The following CTNND2 variants were observed in gnomAD, a reference collection of about 807,000 sequenced individuals.
CTNND2 encodes catenin delta-2.
A neutral mutation model predicts 144.4 loss-of-function variants in CTNND2; 22 were observed. That is an observed-to-expected ratio of 0.15 (90% confidence interval 0.11 to 0.22). The LOEUF (loss-of-function observed/expected upper bound fraction) is 0.22, where lower values mean the gene tolerates loss of function less well. Ranked by LOEUF, CTNND2 falls within the 10% of genes least tolerant of loss-of-function variation. CTNND2 has a pLI of 1.00. For missense variants in CTNND2, 1,353 were observed against 1,618.8 expected, an observed-to-expected ratio of 0.84 and a Z score of 2.82; for synonymous variants, 751 against 695.6, an observed-to-expected ratio of 1.08 and a Z score of -1.25.
chr5:11,712,717 G>C (rs770509376), intron 2 of CTNND2, among the ~76,000 whole-genome samples: 1 of 152,168 alleles, frequency 6.6e-6, no homozygotes, highest in Non-Finnish European at 1.5e-5. Flanking sequence ...ATTAAAAGAA[G>C]AGGGTAAAAT....
At chr5:11,321,178 G>A (rs1184449843) in intron 9 of CTNND2, among the ~76,000 whole-genome samples, 3 of 152,156 alleles carry the variant, frequency 2.0e-5, no homozygotes, top group Non-Finnish European at 4.4e-5. Context: ...AAGTGATCGG[G>A]AAAATTGACA....
At chr5:11,130,609 T>C (rs1755493268) in intron 12 of CTNND2, among the ~76,000 whole-genome samples, 1 of 152,198 alleles carries the variant, frequency 6.6e-6, no homozygotes, top group South Asian at 2.1e-4. Flanking sequence ...GCTGTGTGGC[T>C]AAAACCATTA....
At chr5:11,629,739 T>C (rs1384958789) in intron 2 of CTNND2, among the ~76,000 whole-genome samples, 1 of 152,050 alleles carries the variant, frequency 6.6e-6, no homozygotes, top group Non-Finnish European at 1.5e-5. Context: ...AGTGCCATCA[T>C]AGCTCACTGC....
chr5:11,575,123 C>A (rs143296873), intron 2 of CTNND2, among the ~76,000 whole-genome samples: 3,093 of 152,288 alleles, frequency 0.02, 100 homozygotes, highest in African/African-American at 0.068. Flanking sequence ...ACTCTCATAG[C>A]ACTAACAACG....
At chr5:11,546,863 A>G (rs566504963) in intron 3 of CTNND2, among the ~76,000 whole-genome samples, 81 of 152,340 alleles carry the variant, frequency 5.3e-4, no homozygotes, top group Middle Eastern at 6.8e-3. Context: ...ATTAAAGCTT[A>G]TGAGACAAAT....
At chr5:11,663,544 G>A (rs1291272732) in intron 2 of CTNND2, among the ~76,000 whole-genome samples, 1 of 152,084 alleles carries the variant, frequency 6.6e-6, no homozygotes, top group Non-Finnish European at 1.5e-5. Flanking sequence ...AACTACATAT[G>A]TGTGTATAAA....
chr5:11,000,435 C>T (rs542713579), intron 18 of CTNND2, among the ~76,000 whole-genome samples: 5 of 152,174 alleles, frequency 3.3e-5, no homozygotes, highest in Middle Eastern at 3.2e-3. Context: ...GCAGGAGAAT[C>T]GCTTGAAACC....
chr5:11,168,998 A>G (rs970053468), intron 11 of CTNND2, among the ~76,000 whole-genome samples: 4 of 152,208 alleles, frequency 2.6e-5, no homozygotes, highest in African/African-American at 9.6e-5. Flanking sequence ...GATCAAAAAT[A>G]ATTTAAGTGC....
chr5:11,461,791 G>A (rs532871271), intron 3 of CTNND2, among the ~76,000 whole-genome samples: 1 of 152,258 alleles, frequency 6.6e-6, no homozygotes, highest in African/African-American at 2.4e-5. Context: ...TATCCAATAA[G>A]TAATTCAAGA....
chr5:11,580,859 A>G (rs1778374049), intron 2 of CTNND2, among the ~76,000 whole-genome samples: 1 of 152,150 alleles, frequency 6.6e-6, no homozygotes, highest in Admixed American at 6.5e-5. Flanking sequence ...AACCATTTGA[A>G]AAATCTTCTC....
intron 3 of CTNND2, among the ~76,000 whole-genome samples, chr5:11,520,814 T>C (rs923760514): frequency 1.3e-5 from 2 of 152,190 alleles, no homozygotes; most frequent in African/African-American, 4.8e-5. Flanking sequence ...TCAACAACCA[T>C]ATGCCAGAGC....
chr5:11,785,560 G>T (rs1790781647), intron 1 of CTNND2, among the ~76,000 whole-genome samples: 1 of 152,020 alleles, frequency 6.6e-6, no homozygotes, highest in African/African-American at 2.4e-5. Flanking sequence ...GCAAGCATTA[G>T]ATGGAAATAT....
At chr5:11,656,418 G>GAA (rs11430294) in intron 2 of CTNND2, among the ~76,000 whole-genome samples, 86 of 146,804 alleles carry the variant, frequency 5.9e-4, no homozygotes, top group Middle Eastern at 3.4e-3. Flanking sequence ...AACACTCCCA[G>GAA]AAAAAAAAAA....
At chr5:11,087,123 TTTTTC>T (rs1282432848) in intron 15 of CTNND2, among the ~76,000 whole-genome samples, 1 of 152,206 alleles carries the variant, frequency 6.6e-6, no homozygotes, top group Non-Finnish European at 1.5e-5. Flanking sequence ...ATATCCTCAG[TTTTTC>T]TTTTAACAAG....
chr5:11,066,232 G>A (rs899193039), intron 16 of CTNND2, among the ~76,000 whole-genome samples: 1 of 152,126 alleles, frequency 6.6e-6, no homozygotes, highest in African/African-American at 2.4e-5. Flanking sequence ...TAGAGATGGG[G>A]TTCCACCATG....
intron 20 of CTNND2, among the ~76,000 whole-genome samples, chr5:10,985,664 C>T (rs1369355719): frequency 6.6e-6 from 1 of 152,186 alleles, no homozygotes. Context: ...TCTTTCAATG[C>T]ACTGAACTTT....
chr5:11,433,379 CTA>C (rs1342765938), intron 3 of CTNND2, among the ~76,000 whole-genome samples: 1 of 152,132 alleles, frequency 6.6e-6, no homozygotes, highest in Non-Finnish European at 1.5e-5. Context: ...ACTTGAATGA[CTA>C]TTTTTAAAAC....
At chr5:11,672,037 G>C (rs1036140253) in intron 2 of CTNND2, among the ~76,000 whole-genome samples, 1 of 152,114 alleles carries the variant, frequency 6.6e-6, no homozygotes, top group East Asian at 1.9e-4. Flanking sequence ...CAGTGAAGCC[G>C]CTCTGAGGCA....
chr5:11,233,224 A>G (rs978383964), intron 10 of CTNND2, among the ~76,000 whole-genome samples: 1 of 152,186 alleles, frequency 6.6e-6, no homozygotes, highest in African/African-American at 2.4e-5. Flanking sequence ...AAAGCCAGGG[A>G]TGAGGATTTT....
Sources: gnomAD v4.1 joint callset for allele counts (sites outside exome capture counted in the v4.1 genomes callset) on GRCh38, gnomAD v4.1.1 for gene constraint, MANE v1.5 for transcripts, NCBI Gene and HGNC (gene_info 2026-07-23, HGNC 2026-07-21) for gene names.